STRN3: variants seen among roughly 807,000 people sequenced by gnomAD.
STRN3 encodes striatin-3.
In STRN3, 29 loss-of-function variants were observed where a neutral mutation model predicts 95.6. The observed-to-expected ratio is 0.30, with a 90% CI of 0.23 to 0.41. The LOEUF (loss-of-function observed/expected upper bound fraction) is 0.41. STRN3 is among the 10% of genes least tolerant of loss of function. STRN3 has a pLI of 1.00. For synonymous variants in STRN3, 331 were observed against 357.6 expected, an observed-to-expected ratio of 0.93 and a Z score of 0.84; for missense variants, 890 against 972.1, an observed-to-expected ratio of 0.92 and a Z score of 1.12.
intron 7 of STRN3, chr14:30,931,887 A>G (rs1381108389): frequency 6.6e-6 from 1 of 152,176 alleles, no homozygotes; most frequent in African/African-American, 2.4e-5. Flanking sequence ...AATAAAAACC[A>G]GATTCTCTAA....
At chr14:30,945,000 T>C (rs1879290388) in intron 5 of STRN3, among the ~76,000 whole-genome samples, 1 of 152,222 alleles carries the variant, frequency 6.6e-6, no homozygotes, top group Non-Finnish European at 1.5e-5. Flanking sequence ...ACATTATTTA[T>C]TTATTAAGCT....
intron 1 of STRN3, among the ~76,000 whole-genome samples, chr14:31,019,576 T>C (rs1473355852): frequency 1.3e-5 from 2 of 152,118 alleles, no homozygotes; most frequent in Non-Finnish European, 2.9e-5. Context: ...TGTCAGGAGA[T>C]TATCTCAAAG....
chr14:31,003,681 CA>C (rs1468398428), intron 1 of STRN3, among the ~76,000 whole-genome samples: 2 of 151,234 alleles, frequency 1.3e-5, no homozygotes, highest in Non-Finnish European at 2.9e-5. Context: ...TTGAACTTGC[CA>C]ACCAACAGAA....
At chr14:31,018,026 C>T (rs910076554) in intron 1 of STRN3, among the ~76,000 whole-genome samples, 4 of 149,786 alleles carry the variant, frequency 2.7e-5, no homozygotes, top group African/African-American at 9.8e-5. Flanking sequence ...TACAGTGAGC[C>T]GGGATTGCGC....
At chr14:30,917,204 T>C (rs1896762338) in intron 9 of STRN3, among the ~76,000 whole-genome samples, 1 of 152,198 alleles carries the variant, frequency 6.6e-6, no homozygotes, top group Non-Finnish European at 1.5e-5. Context: ...CTTCAAAAAC[T>C]GTAATGAAGT....
intron 1 of STRN3, among the ~76,000 whole-genome samples, chr14:30,991,641 C>T (rs1216958543): frequency 6.6e-6 from 1 of 152,006 alleles, no homozygotes; most frequent in Non-Finnish European, 1.5e-5. Context: ...AGAAGATACA[C>T]TAACTTTACC....
intron 1 of STRN3, among the ~76,000 whole-genome samples, chr14:31,020,849 T>TA (rs767626442): frequency 1.6e-4 from 25 of 151,848 alleles, no homozygotes; most frequent in African/African-American, 4.8e-4. Context: ...GAGGCTACAG[T>TA]AAGCCATGTT....
At chr14:30,963,604 T>G (rs1462165280) in intron 1 of STRN3, among the ~76,000 whole-genome samples, 1 of 152,084 alleles carries the variant, frequency 6.6e-6, no homozygotes, top group African/African-American at 2.4e-5. Context: ...GAGACAGGGT[T>G]TCACCATGTT....
Position 30,964,141 on chromosome 14 carries a change from A to G in STRN3, c.283-7899T>C, listed in dbSNP as rs973254759. ...GTGGTGCGCATCTGTAGTCTCAGCTATACGAGAGGGTGAAGCATGAGAATC... is the reference window on the plus strand; with the variant it reads ...GTGGTGCGCATCTGTAGTCTCAGCTGTACGAGAGGGTGAAGCATGAGAATC... On this transcript the variant is annotated intron_variant, in intron 1 of 17. Coordinates refer to ENST00000357479, the MANE Select transcript of STRN3 (RefSeq NM_001083893.2). Among the ~76,000 whole-genome samples the G allele has an allele frequency of 6.6e-5, 10 of 152,300 alleles. No homozygotes were observed. The East Asian group carries it at 1.4e-3, about 21-fold the overall frequency.
chr14:30,953,933 T>A (rs1879777333), intron 3 of STRN3, among the ~76,000 whole-genome samples: 1 of 152,090 alleles, frequency 6.6e-6, no homozygotes, highest in Non-Finnish European at 1.5e-5. Context: ...CTGGCCTAGG[T>A]ATGTTATATC....
chr14:30,954,308 T>C (rs867067290), intron 3 of STRN3, among the ~76,000 whole-genome samples: 23 of 152,180 alleles, frequency 1.5e-4, no homozygotes, highest in Admixed American at 2.6e-4. Flanking sequence ...AGGTTAGGTT[T>C]AGGCTGTATC....
intron 5 of STRN3, among the ~76,000 whole-genome samples, chr14:30,943,309 G>A (rs1190634138): frequency 6.6e-6 from 1 of 152,192 alleles, no homozygotes; most frequent in Admixed American, 6.5e-5. Context: ...CCGGCCAGGC[G>A]CAGTGGCTCA....
intron 16 of STRN3, among the ~76,000 whole-genome samples, chr14:30,896,097 A>G (rs1324510594): frequency 6.6e-6 from 1 of 152,230 alleles, no homozygotes; most frequent in South Asian, 2.1e-4. Context: ...GATACTTCGT[A>G]TAAGTGAACT....
intron 5 of STRN3, among the ~76,000 whole-genome samples, chr14:30,945,125 A>G (rs141882418): frequency 2.4e-4 from 36 of 152,256 alleles, no homozygotes; most frequent in Admixed American, 6.5e-4. Flanking sequence ...GTATTTATCA[A>G]TTCCGTATTC....
At chr14:30,962,267 G>A (rs191498501) in intron 1 of STRN3, among the ~76,000 whole-genome samples, 2 of 152,222 alleles carry the variant, frequency 1.3e-5, no homozygotes, top group Admixed American at 1.3e-4. Flanking sequence ...TGTACAATGT[G>A]CTTGTTTTAA....
intron 1 of STRN3, among the ~76,000 whole-genome samples, chr14:31,017,486 G>C (rs1470795422): frequency 6.7e-6 from 1 of 150,226 alleles, no homozygotes. Context: ...GCGACGCAGC[G>C]AGACTCCGTC....
At position 31,025,973 on chromosome 14, in the gene STRN3, G is replaced by A; in HGVS notation, c.213C>T (p.Tyr71=). 1.9e-6 allele frequency: 3 copies of A among 1,581,848 alleles called. No individual in the cohort carries two copies. The highest frequency in any genetic ancestry group is 1.8e-5 in the Admixed American group (1 of 55,066). ...CGAACCGAGCCCACTCGTGCTGGAT[G>A]TAGTGCAGTATCCCCGGGATAGTGT... ...QQYTIPGILH[Y]IQHEWARFEM... is the part of the protein sequence containing the mutation. The change falls in exon 1 of 18, where the codon TAC becomes TAT. Residue 71 remains tyrosine, a synonymous_variant. Transcript: ENST00000357479.
At chr14:31,017,558 C>T (rs1048429298) in intron 1 of STRN3, among the ~76,000 whole-genome samples, 2 of 151,674 alleles carry the variant, frequency 1.3e-5, no homozygotes, top group African/African-American at 4.8e-5. Context: ...GCATAAGTTA[C>T]AAACTCATTG....
intron 1 of STRN3, among the ~76,000 whole-genome samples, chr14:30,999,285 G>A (rs539696618): frequency 2.6e-4 from 39 of 152,214 alleles, no homozygotes; most frequent in African/African-American, 5.8e-4. Flanking sequence ...CAGGTCAAGC[G>A]ATCCTCCCAC....
Sources: gnomAD v4.1 joint callset for allele counts (sites outside exome capture counted in the v4.1 genomes callset) on GRCh38, gnomAD v4.1.1 for gene constraint, MANE v1.5 for transcripts, NCBI Gene and HGNC (gene_info 2026-07-23, HGNC 2026-07-21) for gene names.